HCN1: variants seen among roughly 807,000 people sequenced by gnomAD.
The protein encoded by HCN1 is hyperpolarization activated cyclic nucleotide gated potassium channel 1, also known as potassium/sodium hyperpolarization-activated cyclic nucleotide-gated channel 1.
A neutral mutation model predicts 78.9 loss-of-function variants in HCN1; 13 were observed. That is an observed-to-expected ratio of 0.16 (90% CI 0.11 to 0.26). The LOEUF (loss-of-function observed/expected upper bound fraction) is 0.26, where lower values mean the gene tolerates loss of function less well. HCN1 is among the 10% of genes least tolerant of loss of function. The pLI, the probability that HCN1 is intolerant of heterozygous loss-of-function variation, is 1.00. For missense variants in HCN1, 810 were observed against 1,154.3 expected, an observed-to-expected ratio of 0.70 and a Z score of 4.32; for synonymous variants, 552 against 455.5, an observed-to-expected ratio of 1.21 and a Z score of -2.70.
At chr5:45,516,608 T>C (rs568381197) in intron 2 of HCN1, among the ~76,000 whole-genome samples, 11 of 152,104 alleles carry the variant, frequency 7.2e-5, no homozygotes, top group African/African-American at 2.4e-4. Context: ...GAAATTATTT[T>C]CCTGGTTTTA....
intron 2 of HCN1, among the ~76,000 whole-genome samples, chr5:45,583,020 C>A (rs985902793): frequency 5.3e-5 from 8 of 151,372 alleles, no homozygotes; most frequent in Admixed American, 4.6e-4. Context: ...GGTTTGGTAT[C>A]AGGATGATGT....
chr5:45,638,275 T>C (rs1328465971), intron 2 of HCN1, among the ~76,000 whole-genome samples: 1 of 152,180 alleles, frequency 6.6e-6, no homozygotes, highest in African/African-American at 2.4e-5. Flanking sequence ...CATGTGGACA[T>C]TGAGGCAACT....
chr5:45,354,962 A>G (rs1450113739), intron 4 of HCN1, among the ~76,000 whole-genome samples: 1 of 152,032 alleles, frequency 6.6e-6, no homozygotes, highest in African/African-American at 2.4e-5. Context: ...TCTAGGGAAA[A>G]TATAATCTGC....
chr5:45,379,335 G>A lies in HCN1; in HGVS notation c.1230+17157C>T, dbSNP rs1420425793. On this transcript the variant is annotated intron_variant, in intron 4 of 7. Transcript: ENST00000303230. ...TTTTCTATGATACGCTCCTCTTAATGTGAAACACTATTTAGGAAAATTTTC... is the reference window on the plus strand; with the variant it reads ...TTTTCTATGATACGCTCCTCTTAATATGAAACACTATTTAGGAAAATTTTC... Among the ~76,000 whole-genome samples, 3 of 152,006 alleles carry A rather than the reference G, an allele frequency of 2.0e-5. No individual in the cohort carries two copies. In the Admixed American group the frequency reaches 2.0e-4, roughly 10 times the overall value.
At chr5:45,268,939 T>C (rs1744910992) in intron 6 of HCN1, among the ~76,000 whole-genome samples, 1 of 152,198 alleles carries the variant, frequency 6.6e-6, no homozygotes, top group South Asian at 2.1e-4. Context: ...CCTGTGTCAC[T>C]AAAGTACTAA....
intron 5 of HCN1, among the ~76,000 whole-genome samples, chr5:45,341,173 C>T (rs1218201366): frequency 1.3e-5 from 2 of 152,280 alleles, no homozygotes; most frequent in East Asian, 3.9e-4. Flanking sequence ...AGATGGATCA[C>T]TCATTTTAAG....
chr5:45,383,150 T>A (rs1747842115), intron 4 of HCN1, among the ~76,000 whole-genome samples: 1 of 152,134 alleles, frequency 6.6e-6, no homozygotes, highest in South Asian at 2.1e-4. Flanking sequence ...GAGCTGGGAT[T>A]TAACATTTTT....
At chr5:45,431,732 T>C (rs549257671) in intron 3 of HCN1, among the ~76,000 whole-genome samples, 1 of 152,244 alleles carries the variant, frequency 6.6e-6, no homozygotes, top group South Asian at 2.1e-4. Context: ...TTGTCAAAGA[T>C]AAGATGATTA....
chr5:45,586,389 T>C (rs997633401), intron 2 of HCN1, among the ~76,000 whole-genome samples: 40 of 152,236 alleles, frequency 2.6e-4, no homozygotes, highest in African/African-American at 9.4e-4. Flanking sequence ...AGTATTAGGG[T>C]GGAAGTGACC....
intron 2 of HCN1, among the ~76,000 whole-genome samples, chr5:45,584,848 A>C (rs1744174070): frequency 6.6e-6 from 1 of 152,192 alleles, no homozygotes; most frequent in South Asian, 2.1e-4. Flanking sequence ...AAGAAGTTTG[A>C]ATATTGGCCC....
intron 3 of HCN1, among the ~76,000 whole-genome samples, chr5:45,459,186 A>G (rs1741091057): frequency 6.6e-6 from 1 of 151,872 alleles, no homozygotes; most frequent in African/African-American, 2.4e-5. Flanking sequence ...GGAGGATCAC[A>G]TGACTCCAGG....
chr5:45,536,022 C>A (rs967525735), intron 2 of HCN1, among the ~76,000 whole-genome samples: 1 of 152,082 alleles, frequency 6.6e-6, no homozygotes, highest in Non-Finnish European at 1.5e-5. Flanking sequence ...GTTTTGCTCC[C>A]CATCCCTTTA....
At chr5:45,598,764 G>A (rs1419282377) in intron 2 of HCN1, among the ~76,000 whole-genome samples, 1 of 152,190 alleles carries the variant, frequency 6.6e-6, no homozygotes, top group Non-Finnish European at 1.5e-5. Context: ...GATATGAACA[G>A]ACACTTCTCA....
At chr5:45,678,605 T>C (rs957206560) in intron 1 of HCN1, among the ~76,000 whole-genome samples, 1 of 151,944 alleles carries the variant, frequency 6.6e-6, no homozygotes, top group African/African-American at 2.4e-5. Flanking sequence ...TTCTTTGCTA[T>C]TTTCATTTAA....
intron 2 of HCN1, among the ~76,000 whole-genome samples, chr5:45,542,064 A>C (rs115805153): frequency 0.078 from 11,800 of 152,146 alleles, 587 homozygotes; most frequent in Middle Eastern, 0.15. Flanking sequence ...CTATAATTCC[A>C]CTCAAGTGAA....
At chr5:45,323,702 C>A (rs866411944) in intron 5 of HCN1, among the ~76,000 whole-genome samples, 1 of 151,910 alleles carries the variant, frequency 6.6e-6, no homozygotes, top group African/African-American at 2.4e-5. Context: ...TCTCCTAATG[C>A]TATCCCTCCC....
chr5:45,674,650 A>T (rs1032788387), intron 1 of HCN1, among the ~76,000 whole-genome samples: 18 of 151,970 alleles, frequency 1.2e-4, no homozygotes, highest in African/African-American at 4.3e-4. Context: ...ATAAATTGAA[A>T]GCCAATGTTA....
intron 6 of HCN1, among the ~76,000 whole-genome samples, chr5:45,294,310 C>T (rs1374050315): frequency 6.6e-6 from 1 of 151,958 alleles, no homozygotes; most frequent in Non-Finnish European, 1.5e-5. Context: ...TCATAAAAAT[C>T]CTAAATACAT....
At chr5:45,563,467 TA>T (rs1466495933) in intron 2 of HCN1, among the ~76,000 whole-genome samples, 3 of 151,480 alleles carry the variant, frequency 2.0e-5, no homozygotes. Flanking sequence ...AATAAATAAA[TA>T]AAATAAAATA....
Sources: gnomAD v4.1 joint callset for allele counts (sites outside exome capture counted in the v4.1 genomes callset) on GRCh38, gnomAD v4.1.1 for gene constraint, MANE v1.5 for transcripts, NCBI Gene and HGNC (gene_info 2026-07-23, HGNC 2026-07-21) for gene names.